Variants in ATRIP observed in about 807,000 individuals in gnomAD.
The protein encoded by ATRIP is ATR-interacting protein.
ATRIP carries 44 observed loss-of-function variants against 78.1 expected under a neutral mutation model. The ratio of observed to expected loss-of-function variants is 0.56; its 90% confidence interval spans 0.44 to 0.72. ATRIP has a LOEUF of 0.72. Ranked by LOEUF, ATRIP falls within the 30% of genes least tolerant of loss-of-function variation. The probability of loss-of-function intolerance (pLI) is 0.00; values close to 1 mark genes in which losing one functional copy is unlikely to be tolerated. For missense variants in ATRIP, 927 were observed against 980.2 expected (o/e 0.95, Z 0.72); for synonymous variants, 388 against 408.9 (o/e 0.95, Z 0.62).
chr3:48,449,562 A>G (rs957859095), intron 1 of ATRIP, among the ~76,000 whole-genome samples: 1 of 151,760 alleles, frequency 6.6e-6, no homozygotes, highest in Admixed American at 6.6e-5. Context: ...AGGCAGGAGG[A>G]TTGCTTAAGC....
At position 48,460,234 on chromosome 3, in the gene ATRIP, T is replaced by A. The variant is rs372752690; in HGVS notation, c.1180T>A (p.Cys394Ser). 11 of 1,614,072 alleles carry A rather than the reference T, an allele frequency of 6.8e-6. No individual in the cohort carries two copies. Among genetic ancestry groups the A allele is most frequent in the Non-Finnish European group, 6.8e-6 (8 of 1,180,012 alleles). The change falls in exon 8 of 13, where the codon TGC becomes AGC. Residue 394 changes from cysteine to serine, a missense_variant. By Grantham distance (112) the Cys-to-Ser change is moderately radical. Coordinates refer to ENST00000320211, the MANE Select transcript of ATRIP (RefSeq NM_130384.3). ...TGLNLVARNE[C>S]SRDGDPAEGG... ...ACTGAATCTGGTTGCCCGGAATGAG[T>A]GCTCACGTGATGGAGACCCAGCAGA...
At chr3:48,462,814 T>C (rs1478126115) in intron 8 of ATRIP, among the ~76,000 whole-genome samples, 2 of 152,214 alleles carry the variant, frequency 1.3e-5, no homozygotes, top group Non-Finnish European at 2.9e-5. Context: ...ATTGGACATC[T>C]TACAGCCCAA....
intron 10 of ATRIP, 39 bp from the exon 11 acceptor site, chr3:48,464,543 C>T (rs758574079): frequency 6.9e-6 from 11 of 1,600,206 alleles, no homozygotes; most frequent in Admixed American, 5.0e-5. Context: ...GGACTGGTCT[C>T]CTTCTGCCCA....
chr3:48,465,166 C>T (rs2040243571), intron 12 of ATRIP, 83 bp downstream of exon 12: 4 of 1,527,432 alleles, frequency 2.6e-6, no homozygotes. Flanking sequence ...TGGGTGTCCC[C>T]TCAGCAGGCC....
intron 1 of ATRIP, chr3:48,447,433 C>G: frequency 1.9e-6 from 2 of 1,026,280 alleles, no homozygotes; most frequent in Non-Finnish European, 2.3e-6. Context: ...GCATGGGGAC[C>G]CATTCTTGTG....
chr3:48,459,909 T>C lies in ATRIP; in HGVS notation c.1048T>C (p.Phe350Leu). The change falls in exon 7 of 13, where the codon TTT becomes CTT. Residue 350 changes from phenylalanine to leucine, a missense_variant. Coordinates refer to ENST00000320211, the MANE Select transcript of ATRIP (RefSeq NM_130384.3). ...PAGTPLQPPG[F>L]GSTLAGMSGL... ...TGGCACCCCCCTGCAGCCACCAGGG[T>C]TTGGCAGGTAAGCATAAGACTCCTG... 1 of 1,610,300 alleles carries C rather than the reference T, an allele frequency of 6.2e-7. No individual in the cohort carries two copies. Among genetic ancestry groups the C allele is most frequent in the Non-Finnish European group, 8.5e-7 (1 of 1,178,918 alleles).
intron 4 of ATRIP, 74 bp downstream of exon 4, chr3:48,454,492 G>T (rs2039908000): frequency 6.7e-6 from 8 of 1,193,170 alleles, no homozygotes; most frequent in Non-Finnish European, 9.8e-6. Flanking sequence ...TGTCAGGCTG[G>T]TCCTAAATGA....
At chr3:48,457,665 A>G (rs1264187720) in intron 5 of ATRIP, among the ~76,000 whole-genome samples, 1 of 152,144 alleles carries the variant, frequency 6.6e-6, no homozygotes, top group Non-Finnish European at 1.5e-5. Flanking sequence ...GATATGGGGT[A>G]TCCTCTTAAC....
In ATRIP at chr3:48,459,360, T is replaced by A. The variant is rs999628682; in HGVS notation, c.831T>A (p.Asp277Glu). ...SGYKPLVGRE[D>E]SKPHSLRGDS... ...GATTTACATTTTATCACATTTCAGA[T>A]AGTAAGCCCCACAGTCTGAGAGGTG... is the stretch of plus-strand genomic sequence containing the variant. Residue 277 changes from aspartate (D) to glutamate (E), a missense_variant and splice_region_variant, in exon 6 of 13, where the codon GAT becomes GAA. Transcript: ENST00000320211. 9.3e-6 allele frequency: 15 copies of A among 1,612,994 alleles called. No individual in the cohort carries two copies. Among genetic ancestry groups the A allele is most frequent in the African/African-American group, 1.3e-5 (1 of 74,912 alleles).
chr3:48,465,331 C>T (rs1313452862), intron 12 of ATRIP, among the ~76,000 whole-genome samples, 156 bp from the exon 13 acceptor site: 1 of 152,224 alleles, frequency 6.6e-6, no homozygotes, highest in African/African-American at 2.4e-5. Context: ...GTCTGAATTG[C>T]CTTTGTATCA....
intron 5 of ATRIP, among the ~76,000 whole-genome samples, chr3:48,458,435 G>A (rs2040012577): frequency 6.6e-6 from 1 of 151,550 alleles, no homozygotes; most frequent in South Asian, 2.1e-4. Context: ...CGATTCTCCT[G>A]CCTCAGCCTC....
At chr3:48,449,962 G>A in intron 1 of ATRIP, 75 bp from the exon 2 acceptor site, 1 of 1,407,196 alleles carries the variant, frequency 7.1e-7, no homozygotes, top group Admixed American at 2.3e-5. Flanking sequence ...AAAAAAAAGT[G>A]GGTATTTTCA....
In ATRIP at chr3:48,467,350, T is replaced by C. The variant is rs373284647; in HGVS notation, c.*1796T>C. The C allele has an allele frequency of 2.5e-6, 4 of 1,614,160 alleles. No individual in the cohort carries two copies. Among genetic ancestry groups the C allele is most frequent in the Non-Finnish European group, 2.5e-6 (3 of 1,180,032 alleles). On this transcript the variant is annotated 3_prime_UTR_variant, in exon 13 of 13. Transcript: ENST00000320211. Reference sequence around the variant, plus strand: ...AGGCCTTTCGGCACCATCAGGCCCATGTATGGGGTCACAGCCTCTGCTAGG... The same window carrying C: ...AGGCCTTTCGGCACCATCAGGCCCACGTATGGGGTCACAGCCTCTGCTAGG...
In ATRIP at chr3:48,467,134, A is replaced by T. The variant is rs1007795947; in HGVS notation, c.*1580A>T. 2 of 1,613,768 alleles carry T rather than the reference A, an allele frequency of 1.2e-6. No homozygotes were observed. Among genetic ancestry groups the T allele is most frequent in the Non-Finnish European group, 1.7e-6 (2 of 1,179,994 alleles). Reference sequence around the variant, plus strand: ...TGTGTGGATAGCATCACTGCGCTGAAGGCCCTGGAGCGAGCAAGCAGCCCC... The same window carrying T: ...TGTGTGGATAGCATCACTGCGCTGATGGCCCTGGAGCGAGCAAGCAGCCCC... On this transcript the variant is annotated 3_prime_UTR_variant, in exon 13 of 13. Transcript: ENST00000320211.
At position 48,466,989 on chromosome 3, in the gene ATRIP, C is replaced by T. The variant is rs538944108; in HGVS notation, c.*1435C>T. 61 of 1,613,258 alleles carry T rather than the reference C, an allele frequency of 3.8e-5. No homozygotes were observed. In the South Asian group the frequency reaches 6.1e-4, roughly 16 times the overall value. ...CCTGGCCAACCTGCTCCTAGCCTTC[C>T]TGCGGCGCCAGCCACAGCCCTGGTG... On this transcript the variant is annotated 3_prime_UTR_variant, in exon 13 of 13. Transcript: ENST00000320211.
rs76224909 is a variant in ATRIP, at chr3:48,467,562, A to C, written c.*2008A>C. Reference sequence around the variant, plus strand: ...GGCCATCCTGACCTTGGCAGTAGCCACACTGTATGGACTATCCCTGGCCAC... The same window carrying C: ...GGCCATCCTGACCTTGGCAGTAGCCCCACTGTATGGACTATCCCTGGCCAC... On this transcript the variant is annotated 3_prime_UTR_variant, in exon 13 of 13. Transcript: ENST00000320211. The C allele has an allele frequency of 1.5e-5, 24 of 1,613,658 alleles. No homozygotes were observed. Among genetic ancestry groups the C allele is most frequent in the Non-Finnish European group, 1.9e-5 (23 of 1,179,940 alleles).
intron 4 of ATRIP, among the ~76,000 whole-genome samples, chr3:48,456,758 GAACAAGACTCTGTCTC>G (rs1165580285): frequency 6.6e-6 from 1 of 152,060 alleles, no homozygotes; most frequent in Non-Finnish European, 1.5e-5. Context: ...CTGGGCAATG[GAACAAGACTCTGTCTC>G]AAAAAAAAAT....
intron 1 of ATRIP, among the ~76,000 whole-genome samples, chr3:48,449,051 A>T (rs1308589065): frequency 2.0e-5 from 3 of 152,230 alleles, no homozygotes; most frequent in Non-Finnish European, 4.4e-5. Flanking sequence ...CTCAGGCTTT[A>T]GATGAGACTC....
intron 7 of ATRIP, 92 bp downstream of exon 7, chr3:48,460,008 G>A (rs1395719011): frequency 1.3e-6 from 2 of 1,556,912 alleles, no homozygotes; most frequent in East Asian, 2.2e-5. Flanking sequence ...AAGTCTGTGG[G>A]AAGGGCAGGC....
Sources: gnomAD v4.1 joint callset for allele counts (sites outside exome capture counted in the v4.1 genomes callset) on GRCh38, gnomAD v4.1.1 for gene constraint, MANE v1.5 for transcripts, NCBI Gene and HGNC (gene_info 2026-07-23, HGNC 2026-07-21) for gene names.